Variants in DGKH observed in about 807,000 individuals in gnomAD.
The protein encoded by DGKH is DAG kinase eta.
In DGKH, 90 loss-of-function variants were observed where a neutral mutation model predicts 159.3. That is an observed-to-expected ratio of 0.57 (90% CI 0.48 to 0.67). DGKH has a LOEUF of 0.67. DGKH is among the 30% of genes least tolerant of loss of function. DGKH has a pLI of 0.00. For synonymous variants in DGKH, 536 were observed against 553.8 expected (o/e 0.97, Z 0.45); for missense variants, 1,181 against 1,506.1 (o/e 0.78, Z 3.57).
chr13:42,192,613 TC>T lies in DGKH; in HGVS notation c.2035+2089del, dbSNP rs1448430016. Among the ~76,000 whole-genome samples the T allele has an allele frequency of 1.8e-3, 272 of 149,806 alleles. 1 individual carries two copies. Among genetic ancestry groups the T allele is most frequent in the African/African-American group, 6.2e-3 (257 of 41,284 alleles). ...TTCCTCTTCCTCTTCTTCTTCTTCT[TC>T]TTTTCTTTCTTCTTTCTTCTTCTTC... On this transcript the variant is annotated intron_variant, in intron 16 of 29. Transcript: ENST00000337343.
At chr13:42,102,985 G>C (rs1954679854) in intron 1 of DGKH, among the ~76,000 whole-genome samples, 1 of 152,186 alleles carries the variant, frequency 6.6e-6, no homozygotes, top group Non-Finnish European at 1.5e-5. Flanking sequence ...GAGATGTGTT[G>C]AGAATTAAGA....
At chr13:42,197,871 G>C (rs989050366) in intron 17 of DGKH, among the ~76,000 whole-genome samples, 2 of 152,100 alleles carry the variant, frequency 1.3e-5, no homozygotes, top group Non-Finnish European at 2.9e-5. Flanking sequence ...TTTGAATACT[G>C]TAACAGTTAG....
chr13:42,120,814 A>G (rs940018539), intron 1 of DGKH, among the ~76,000 whole-genome samples: 6 of 152,154 alleles, frequency 3.9e-5, no homozygotes, highest in African/African-American at 1.4e-4. Flanking sequence ...TAGTGTGTAT[A>G]TTGTGTGTGT....
chr13:42,223,228 C>T (rs1794965910), intron 29 of DGKH, among the ~76,000 whole-genome samples: 1 of 152,138 alleles, frequency 6.6e-6, no homozygotes, highest in Non-Finnish European at 1.5e-5. Context: ...GCGGCAAGTC[C>T]TTCAGACCGA....
intron 2 of DGKH, 78 bp downstream of exon 2, chr13:42,127,651 G>T: frequency 9.1e-7 from 1 of 1,093,262 alleles, no homozygotes; most frequent in Non-Finnish European, 1.4e-6. Context: ...AGCTGTTTTT[G>T]TCTTGGAAGC....
intron 16 of DGKH, among the ~76,000 whole-genome samples, chr13:42,193,920 ACC>A (rs1957144111): frequency 6.6e-6 from 1 of 152,208 alleles, no homozygotes; most frequent in African/African-American, 2.4e-5. Flanking sequence ...GGTTAAAGGT[ACC>A]ATTTGCTCTG....
chr13:42,044,720 T>C (rs1436174013), upstream of DGKH, among the ~76,000 whole-genome samples: 2 of 152,206 alleles, frequency 1.3e-5, no homozygotes, highest in Non-Finnish European at 2.9e-5. Flanking sequence ...GGGGAAGTCA[T>C]TGGGCCTAAA....
At position 42,209,039 on chromosome 13, in the gene DGKH, G is replaced by A. The variant is rs749755986; in HGVS notation, c.2682G>A (p.Arg894=). ...IFDSMQMAVS[R]VIKLQHHRIA... is the part of the protein sequence containing the mutation. ...ATAGCATGCAAATGGCAGTTTCAAG[G>A]GTCATTAAACTGCAGCATCATCGAA... Residue 894 remains arginine, a synonymous_variant, in exon 22 of 30, where the codon AGG becomes AGA. Transcript: ENST00000337343. 9.9e-6 allele frequency: 16 copies of A among 1,611,784 alleles called. No homozygotes were observed. Among genetic ancestry groups the A allele is most frequent in the Non-Finnish European group, 1.4e-5 (16 of 1,178,978 alleles).
rs566160793 is a variant in DGKH, at chr13:42,069,311, G to A, written c.192+20346G>A. The A allele has an allele frequency of 5.2e-6, 6 of 1,154,924 alleles. No homozygotes were observed. The African/African-American group carries it at 6.2e-5, about 12-fold the overall frequency. 71.5% of individuals were successfully genotyped at this position (1,154,924 alleles called of 1,614,324 possible). A position where few individuals can be genotyped will look rare whatever the true frequency, so the allele number is the denominator to read the frequency against. On this transcript the variant is annotated intron_variant, in intron 1 of 29. Transcript: ENST00000337343. ...TCTCCCCATCACTCACAAACTGGCTGTCCCAAGAAGATGGGTACAAAGTTT... is the reference window on the plus strand; with the variant it reads ...TCTCCCCATCACTCACAAACTGGCTATCCCAAGAAGATGGGTACAAAGTTT...
intron 1 of DGKH, among the ~76,000 whole-genome samples, chr13:42,094,452 T>C (rs749689550): frequency 7.2e-5 from 11 of 152,280 alleles, no homozygotes; most frequent in Non-Finnish European, 1.2e-4. Flanking sequence ...AATATTAGAA[T>C]TTAGTGTGAG....
chr13:42,229,415 A>G lies in DGKH; in HGVS notation c.*227A>G, dbSNP rs1958231960. ...GCCATTTTCTTTTTGTGCAAACCTGACATGTTCAAATATATTCACAATGGT... is the reference window on the plus strand; with the variant it reads ...GCCATTTTCTTTTTGTGCAAACCTGGCATGTTCAAATATATTCACAATGGT... On this transcript the variant is annotated 3_prime_UTR_variant, in exon 30 of 30. Transcript: ENST00000337343. 2 of 454,808 alleles carry G rather than the reference A, an allele frequency of 4.4e-6. No individual in the cohort carries two copies. The highest frequency in any genetic ancestry group is 8.4e-5 in the Admixed American group (2 of 23,760). The allele number at this position is 454,808 out of a possible 1,614,324, so 28.2% of individuals were successfully genotyped here.
intron 3 of DGKH, among the ~76,000 whole-genome samples, chr13:42,133,567 G>A (rs1392831784): frequency 3.3e-5 from 5 of 152,096 alleles, no homozygotes; most frequent in Admixed American, 1.3e-4. Flanking sequence ...GTAGTGGTGC[G>A]TGCCTGTAGT....
intron 21 of DGKH, among the ~76,000 whole-genome samples, chr13:42,207,015 CTTTCTTTCTTTT>C (rs1320045424): frequency 7.0e-6 from 1 of 143,586 alleles, no homozygotes; most frequent in Non-Finnish European, 1.5e-5. Context: ...TTCTTTCTTT[CTTTCTTTCTTTT>C]TCTTTCTTTC....
intron 17 of DGKH, chr13:42,195,839 G>A (rs1490467275): frequency 6.6e-6 from 1 of 152,136 alleles, no homozygotes; most frequent in African/African-American, 2.4e-5. Flanking sequence ...GAATAGTTTT[G>A]TGATTCAAAG....
In DGKH at chr13:42,155,805, G is replaced by A; in HGVS notation, c.622+6G>A. The stretch of plus-strand genomic sequence containing the variant: ...CCATGGCCTGTCCTGCGAAGGTACT[G>A]TAGCACCTAGCATGTGTTTTCTCCC... On this transcript the variant is annotated splice_donor_region_variant and intron_variant, in intron 5 of 29. Coordinates refer to ENST00000337343, the MANE Select transcript of DGKH (RefSeq NM_178009.5). 1 of 1,613,956 alleles carries A rather than the reference G, an allele frequency of 6.2e-7. No individual in the cohort carries two copies. The highest frequency in any genetic ancestry group is 8.5e-7 in the Non-Finnish European group (1 of 1,179,986).
intron 15 of DGKH, among the ~76,000 whole-genome samples, chr13:42,190,144 G>T (rs1377072978): frequency 6.6e-6 from 1 of 152,032 alleles, no homozygotes; most frequent in Non-Finnish European, 1.5e-5. Flanking sequence ...TTTATAGATT[G>T]TAACTTGTAA....
intron 1 of DGKH, among the ~76,000 whole-genome samples, chr13:42,087,787 T>C (rs562956564): frequency 4.0e-5 from 6 of 150,240 alleles, no homozygotes; most frequent in Non-Finnish European, 5.9e-5. Context: ...GACAGTATCA[T>C]GCTTCTTACA....
intron 3 of DGKH, among the ~76,000 whole-genome samples, chr13:42,133,184 A>AAT (rs1555264052): frequency 1.4e-5 from 2 of 145,894 alleles, no homozygotes; most frequent in South Asian, 2.2e-4. Flanking sequence ...AAAAAAAAAA[A>AAT]TTTTTTTTTT....
intron 1 of DGKH, among the ~76,000 whole-genome samples, chr13:42,121,453 A>C (rs1203620439): frequency 1.3e-5 from 2 of 152,216 alleles, no homozygotes. Context: ...TAGTATGTTC[A>C]TTGTAACTTG....
Sources: gnomAD v4.1 joint callset for allele counts (sites outside exome capture counted in the v4.1 genomes callset) on GRCh38, gnomAD v4.1.1 for gene constraint, MANE v1.5 for transcripts, NCBI Gene and HGNC (gene_info 2026-07-23, HGNC 2026-07-21) for gene names.